Variants in CEP85 observed in about 807,000 individuals in gnomAD.
CEP85 encodes centrosomal protein 85.
Under a neutral mutation model 93.7 loss-of-function variants are expected in CEP85, and 58 were observed. That is an observed-to-expected ratio of 0.62 (90% confidence interval 0.50 to 0.77). The LOEUF (loss-of-function observed/expected upper bound fraction) is 0.77, where lower values mean the gene tolerates loss of function less well. Ranked by LOEUF, CEP85 falls within the 30% of genes least tolerant of loss-of-function variation. CEP85 has a pLI of 0.00. For synonymous variants in CEP85, 314 were observed against 338.6 expected, an observed-to-expected ratio of 0.93 and a Z score of 0.80; for missense variants, 868 against 922.0, an observed-to-expected ratio of 0.94 and a Z score of 0.76.
At chr1:26,248,529 T>C (rs1225955568) in intron 3 of CEP85, among the ~76,000 whole-genome samples, 2 of 152,068 alleles carry the variant, frequency 1.3e-5, no homozygotes, top group Non-Finnish European at 2.9e-5. Context: ...ACAGAGTCGC[T>C]CTGTCGCCCA....
At chr1:26,274,042 C>A (rs1354212588) in intron 11 of CEP85, among the ~76,000 whole-genome samples, 1 of 150,288 alleles carries the variant, frequency 6.7e-6, no homozygotes, top group Non-Finnish European at 1.5e-5. Flanking sequence ...TTTATTAATA[C>A]CAAATGAGAA....
intron 11 of CEP85, among the ~76,000 whole-genome samples, chr1:26,273,927 AATAAAAT>A (rs2090015739): frequency 7.0e-6 from 1 of 143,192 alleles, no homozygotes; most frequent in African/African-American, 2.6e-5. Flanking sequence ...TAAATAAATA[AATAAAAT>A]ATATATATAT....
At chr1:26,240,326 T>A (rs545656457) in intron 2 of CEP85, among the ~76,000 whole-genome samples, 3 of 152,236 alleles carry the variant, frequency 2.0e-5, no homozygotes, top group Admixed American at 1.3e-4. Context: ...TCCTTAAGTG[T>A]CCATGGCGGA....
At chr1:26,250,796 G>T (rs1429379586) in intron 3 of CEP85, among the ~76,000 whole-genome samples, 3 of 152,042 alleles carry the variant, frequency 2.0e-5, no homozygotes, top group Non-Finnish European at 4.4e-5. Context: ...TGTTTATTTT[G>T]CCCAGGGTTC....
chr1:26,269,894 C>T (rs2124606920), intron 9 of CEP85, among the ~76,000 whole-genome samples: 1 of 145,970 alleles, frequency 6.9e-6, no homozygotes, highest in Non-Finnish European at 1.5e-5. Context: ...TCACACCATT[C>T]TCCTGCCTCA....
intron 7 of CEP85, among the ~76,000 whole-genome samples, chr1:26,266,221 T>A (rs566105437): frequency 3.6e-4 from 55 of 150,726 alleles, no homozygotes; most frequent in African/African-American, 1.2e-3. Flanking sequence ...AAAAAAAAAA[T>A]TGTTTTTTCT....
chr1:26,264,978 G>A (rs2089871040), intron 7 of CEP85, among the ~76,000 whole-genome samples: 1 of 139,604 alleles, frequency 7.2e-6, no homozygotes, highest in Admixed American at 7.3e-5. Context: ...CACCACACCC[G>A]GCTTTTTTTT....
chr1:26,255,691 TAGC>T lies in CEP85; in HGVS notation c.732_734del (p.Ser245del). On this transcript the variant is annotated inframe_deletion, in exon 4 of 14. Coordinates refer to ENST00000451429, the MANE Select transcript of CEP85 (RefSeq NM_001319944.2). ...TTGAGCGGAATGGACCACATTCTAA[TAGC>T]AGTGGGGTCCTCCCTTTGGGACTCC... is the stretch of plus-strand genomic sequence containing the variant. 2 of 1,614,142 alleles carry T rather than the reference TAGC, an allele frequency of 1.2e-6. No homozygotes were observed. The highest frequency in any genetic ancestry group is 1.7e-6 in the Non-Finnish European group (2 of 1,180,014).
intron 4 of CEP85, 21 bp downstream of exon 4, chr1:26,255,886 G>C (rs1190514539): frequency 6.4e-7 from 1 of 1,568,442 alleles, no homozygotes; most frequent in Non-Finnish European, 8.7e-7. Context: ...ATCTTTCCTT[G>C]GATTTTCTAG....
At chr1:26,264,692 G>A (rs1185408203) in intron 7 of CEP85, among the ~76,000 whole-genome samples, 6 of 152,150 alleles carry the variant, frequency 3.9e-5, no homozygotes, top group Non-Finnish European at 1.5e-5. Flanking sequence ...ACTCTCTCTA[G>A]GGAAGAATCT....
intron 7 of CEP85, among the ~76,000 whole-genome samples, chr1:26,261,968 C>T (rs1271898166): frequency 3.3e-5 from 5 of 151,732 alleles, no homozygotes; most frequent in Admixed American, 6.6e-5. Flanking sequence ...GTCAGGAGTT[C>T]GAGACCAGTC....
rs1468826725 is a variant in CEP85, at chr1:26,258,239, T to C, written c.1134T>C (p.Asp378=). 6.2e-7 allele frequency: 1 copy of C among 1,613,338 alleles called. No homozygotes were observed. The highest frequency in any genetic ancestry group is 1.7e-5 in the Admixed American group (1 of 59,996). ...ALLGRPAPFG[D]VCLLRLQELQ... ...TGGGCCGCCCTGCCCCCTTTGGTGA[T>C]GTCTGCTTGCTGAGGCTACAGGTAA... The change falls in exon 6 of 14, where the codon GAT becomes GAC. Residue 378 remains aspartate (D), a synonymous_variant. Coordinates refer to ENST00000451429, the MANE Select transcript of CEP85 (RefSeq NM_001319944.2).
rs571662013 is a variant in CEP85, at chr1:26,254,356, G to A, written c.209-815G>A. On this transcript the variant is annotated intron_variant, in intron 3 of 13. Coordinates refer to ENST00000451429, the MANE Select transcript of CEP85 (RefSeq NM_001319944.2). Reference sequence around the variant, plus strand: ...AGAAATGTGAACCTTGTATAGTAGGGCTAATCAAGGGTTGTCTCCCAAGAC... The same window carrying A: ...AGAAATGTGAACCTTGTATAGTAGGACTAATCAAGGGTTGTCTCCCAAGAC... Among the ~76,000 whole-genome samples the A allele has an allele frequency of 5.7e-4, 86 of 152,102 alleles. No homozygotes were observed. In the Middle Eastern group the frequency reaches 0.024, roughly 42 times the overall value.
rs1557657586 is a variant in CEP85, at chr1:26,255,826, G to A, written c.864G>A (p.Gln288=). ...EQSCELSTCR[Q]QLELIRLQME... ...CTTGTGAACTCAGCACTTGTCGGCA[G>A]CAGCTGGAATTGATTCGTTTACAGA... Residue 288 remains glutamine (Q), a synonymous_variant, in exon 4 of 14, where the codon CAG becomes CAA. Coordinates refer to ENST00000451429, the MANE Select transcript of CEP85 (RefSeq NM_001319944.2). The A allele has an allele frequency of 1.2e-6, 2 of 1,612,836 alleles. No individual in the cohort carries two copies. Among genetic ancestry groups the A allele is most frequent in the South Asian group, 2.2e-5 (2 of 91,022 alleles).
At chr1:26,275,631 C>T (rs2090043167) in intron 12 of CEP85, among the ~76,000 whole-genome samples, 1 of 152,152 alleles carries the variant, frequency 6.6e-6, no homozygotes, top group African/African-American at 2.4e-5. Flanking sequence ...GTCTTGAAGC[C>T]ACAGGTTTCT....
chr1:26,273,625 G>A (rs1216136480), intron 11 of CEP85, among the ~76,000 whole-genome samples: 2 of 152,104 alleles, frequency 1.3e-5, no homozygotes, highest in African/African-American at 4.8e-5. Flanking sequence ...GGCCGGACAC[G>A]GTGGCTCACG....
intron 7 of CEP85, among the ~76,000 whole-genome samples, chr1:26,264,846 G>A (rs2089868763): frequency 6.6e-6 from 1 of 152,036 alleles, no homozygotes. Flanking sequence ...TCTCGCTGGA[G>A]ACTCTGGAGT....
intron 3 of CEP85, among the ~76,000 whole-genome samples, chr1:26,251,354 C>T (rs2089612219): frequency 6.7e-6 from 1 of 148,658 alleles, no homozygotes; most frequent in Non-Finnish European, 1.5e-5. Flanking sequence ...CGGTTTCAGG[C>T]GATTCTCCTG....
At chr1:26,235,564 A>ATTTTTTTTTTTT (rs1185542130) in intron 1 of CEP85, among the ~76,000 whole-genome samples, 55 of 69,552 alleles carry the variant, frequency 7.9e-4, no homozygotes, top group African/African-American at 3.0e-3. Context: ...TTAGATTGTA[A>ATTTTTTTTTTTT]TTCTTTTTTT....
Sources: gnomAD v4.1 joint callset for allele counts (sites outside exome capture counted in the v4.1 genomes callset) on GRCh38, gnomAD v4.1.1 for gene constraint, MANE v1.5 for transcripts, NCBI Gene and HGNC (gene_info 2026-07-23, HGNC 2026-07-21) for gene names.